PEAK1: variants seen among roughly 807,000 people sequenced by gnomAD.
The protein encoded by PEAK1 is pseudopodium enriched atypical kinase 1, also known as inactive tyrosine-protein kinase PEAK1.
In PEAK1, 54 loss-of-function variants were observed where a neutral mutation model predicts 124.7. The observed-to-expected ratio is 0.43, with a 90% CI of 0.35 to 0.54. The LOEUF (loss-of-function observed/expected upper bound fraction) is 0.54. PEAK1 is among the 20% of genes least tolerant of loss of function. PEAK1 has a pLI of 0.01. For missense variants in PEAK1, 2,046 were observed against 2,134.5 expected, an observed-to-expected ratio of 0.96 and a Z score of 0.82; for synonymous variants, 719 against 760.0, an observed-to-expected ratio of 0.95 and a Z score of 0.89.
chr15:77,245,534 A>G (rs2060542364), intron 6 of PEAK1, among the ~76,000 whole-genome samples: 1 of 151,854 alleles, frequency 6.6e-6, no homozygotes, highest in African/African-American at 2.4e-5. Flanking sequence ...CCCTGTCTCT[A>G]CTAAAAATAC....
intron 2 of PEAK1, chr15:77,349,798 T>C (rs1381445247): frequency 1.3e-5 from 13 of 985,134 alleles, no homozygotes; most frequent in Non-Finnish European, 1.6e-5. Context: ...TACTGCATTG[T>C]TTTGCAGCTG....
intron 6 of PEAK1, among the ~76,000 whole-genome samples, chr15:77,201,527 T>C (rs1276215265): frequency 6.6e-6 from 1 of 152,016 alleles, no homozygotes; most frequent in Admixed American, 6.6e-5. Context: ...CATGAGCCAC[T>C]GCGCCTGGCC....
intron 7 of PEAK1, among the ~76,000 whole-genome samples, chr15:77,176,317 T>A (rs2056874658): frequency 7.4e-6 from 1 of 135,698 alleles, no homozygotes; most frequent in Admixed American, 7.2e-5. Flanking sequence ...AAGTTTTACA[T>A]TTTTCAAAAA....
At chr15:77,301,718 TTACCCTTTCTG>T (rs1422435450) in intron 2 of PEAK1, among the ~76,000 whole-genome samples, 1 of 152,166 alleles carries the variant, frequency 6.6e-6, no homozygotes, top group Non-Finnish European at 1.5e-5. Flanking sequence ...TATTGTAATG[TTACCCTTTCTG>T]TACTGCACTC....
intron 1 of PEAK1, among the ~76,000 whole-genome samples, chr15:77,366,921 G>C (rs533625687): frequency 6.6e-6 from 1 of 152,266 alleles, no homozygotes; most frequent in Non-Finnish European, 1.5e-5. Flanking sequence ...GGATCATGAG[G>C]TCAGGAGATG....
intron 7 of PEAK1, among the ~76,000 whole-genome samples, chr15:77,162,627 C>A (rs551124017): frequency 2.8e-4 from 42 of 151,944 alleles, no homozygotes; most frequent in African/African-American, 9.9e-4. Flanking sequence ...GTTTTACCAC[C>A]AACATTTCAT....
intron 1 of PEAK1, chr15:77,417,860 CA>C (rs1418522652): frequency 6.1e-5 from 60 of 985,196 alleles, no homozygotes; most frequent in Non-Finnish European, 6.7e-5. Flanking sequence ...GCTTATTTGG[CA>C]AATATGGTTG....
chr15:77,384,189 G>A (rs2069722678), intron 1 of PEAK1, among the ~76,000 whole-genome samples: 1 of 146,046 alleles, frequency 6.8e-6, no homozygotes, highest in Non-Finnish European at 1.5e-5. Context: ...GAAATTTAGT[G>A]CAAAAAAAAA....
In PEAK1 at chr15:77,300,785, G is replaced by A. The variant is rs1009957837; in HGVS notation, c.-602-14281C>T. Among the ~76,000 whole-genome samples, 32 of 151,928 alleles carry A rather than the reference G, an allele frequency of 2.1e-4. 1 individual carries two copies. Among genetic ancestry groups the A allele is most frequent in the South Asian group, 2.1e-4 (1 of 4,812 alleles). ...TTCCTTGTTTTTTATGACTGTATTCGTTTCCTGTGGCTGTTATAACAAATT... is the reference window on the plus strand; with the variant it reads ...TTCCTTGTTTTTTATGACTGTATTCATTTCCTGTGGCTGTTATAACAAATT... On this transcript the variant is annotated intron_variant, in intron 2 of 9. Transcript: ENST00000682557.
At chr15:77,369,360 A>G (rs2068485461) in intron 1 of PEAK1, among the ~76,000 whole-genome samples, 1 of 152,196 alleles carries the variant, frequency 6.6e-6, no homozygotes, top group African/African-American at 2.4e-5. Flanking sequence ...ACCCTTAGAA[A>G]ATACAACCTA....
intron 1 of PEAK1, among the ~76,000 whole-genome samples, chr15:77,389,555 A>T (rs1265913445): frequency 2.6e-5 from 4 of 152,200 alleles, no homozygotes; most frequent in African/African-American, 9.7e-5. Flanking sequence ...TTTATAGGTT[A>T]TTATGAAAGT....
downstream of PEAK1, chr15:77,105,337 TGTGTGTGTGTGTGTGTGTGTGC>T (rs2050738050): frequency 7.0e-6 from 1 of 142,468 alleles, no homozygotes; most frequent in Non-Finnish European, 1.6e-5. Flanking sequence ...TGTGTGTGTG[TGTGTGTGTGTGTGTGTGTGTGC>T]GCGCGTGCGC....
intron 1 of PEAK1, among the ~76,000 whole-genome samples, chr15:77,370,234 T>C (rs1370457423): frequency 6.6e-6 from 1 of 152,176 alleles, no homozygotes; most frequent in Admixed American, 6.5e-5. Context: ...TCTCCACCTA[T>C]CCAAATTCCT....
At chr15:77,145,870 T>C (rs1163851619) in intron 8 of PEAK1, among the ~76,000 whole-genome samples, 1 of 152,118 alleles carries the variant, frequency 6.6e-6, no homozygotes, top group African/African-American at 2.4e-5. Context: ...CCTTGAAAAA[T>C]ACATTAGTAT....
intron 6 of PEAK1, among the ~76,000 whole-genome samples, chr15:77,244,176 C>T (rs2152916436): frequency 6.6e-6 from 1 of 152,228 alleles, no homozygotes; most frequent in East Asian, 1.9e-4. Context: ...CTAGCAACTA[C>T]AGGCAAGAGA....
intron 1 of PEAK1, among the ~76,000 whole-genome samples, chr15:77,380,309 A>G (rs951884607): frequency 1.3e-5 from 2 of 152,164 alleles, no homozygotes; most frequent in Admixed American, 1.3e-4. Flanking sequence ...CTGCCAGATA[A>G]TTAGAATCAC....
intron 2 of PEAK1, among the ~76,000 whole-genome samples, chr15:77,341,569 C>T (rs1259915153): frequency 6.6e-6 from 1 of 151,978 alleles, no homozygotes; most frequent in Non-Finnish European, 1.5e-5. Context: ...ATTACATAGG[C>T]ATGATTGTTC....
chr15:77,378,133 C>A (rs2069176922), intron 1 of PEAK1, among the ~76,000 whole-genome samples: 1 of 151,296 alleles, frequency 6.6e-6, no homozygotes, highest in African/African-American at 2.4e-5. Context: ...GCCTGACTAT[C>A]ACATTTCCTA....
intron 6 of PEAK1, among the ~76,000 whole-genome samples, chr15:77,197,332 T>C (rs2058155228): frequency 6.6e-6 from 1 of 152,236 alleles, no homozygotes; most frequent in Non-Finnish European, 1.5e-5. Context: ...GGCCATTTTA[T>C]TACTTTCCTT....
Sources: allele counts gnomAD v4.1 joint callset (sites outside exome capture counted in the v4.1 genomes callset), GRCh38; gene constraint gnomAD v4.1.1; transcripts MANE v1.5; gene names NCBI Gene and HGNC (gene_info 2026-07-23, HGNC 2026-07-21).